The following NDUFAF6 variants were observed in gnomAD, a reference collection of about 807,000 sequenced individuals.
NDUFAF6 encodes NADH dehydrogenase (ubiquinone) complex I, assembly factor 6.
Under a neutral mutation model 40.8 loss-of-function variants are expected in NDUFAF6, and 45 were observed. That is an observed-to-expected ratio of 1.10 (90% CI 0.87 to 1.42). The LOEUF (loss-of-function observed/expected upper bound fraction) is 1.42. NDUFAF6 is among the 40% of genes most tolerant of loss of function. NDUFAF6 has a pLI of 0.00. For missense variants in NDUFAF6, 435 were observed against 418.5 expected, an observed-to-expected ratio of 1.04 and a Z score of -0.34; for synonymous variants, 185 against 155.9, an observed-to-expected ratio of 1.19 and a Z score of -1.39.
intron 2 of NDUFAF6, among the ~76,000 whole-genome samples, chr8:95,035,015 G>A (rs983290926): frequency 6.6e-6 from 1 of 152,078 alleles, no homozygotes; most frequent in South Asian, 2.1e-4. Flanking sequence ...GAGTAGCTGG[G>A]ATTACAGGCA....
At chr8:94,963,349 T>A (rs1298017494) in intron 1 of NDUFAF6, among the ~76,000 whole-genome samples, 2 of 152,068 alleles carry the variant, frequency 1.3e-5, no homozygotes, top group East Asian at 3.9e-4. Flanking sequence ...ATAGTCAGGG[T>A]GGAAAGACCA....
At chr8:95,077,499 T>A (rs1425676582), downstream of NDUFAF6, among the ~76,000 whole-genome samples, 7 of 152,176 alleles carry the variant, frequency 4.6e-5, no homozygotes, top group East Asian at 1.3e-3. Flanking sequence ...GACGAAAGGA[T>A]GATTCATGTC....
At chr8:94,994,460 A>G (rs1826329609) in intron 2 of NDUFAF6, among the ~76,000 whole-genome samples, 1 of 151,858 alleles carries the variant, frequency 6.6e-6, no homozygotes, top group Non-Finnish European at 1.5e-5. Context: ...CTGAGGCAGG[A>G]GAATCGCTTC....
intron 1 of NDUFAF6, among the ~76,000 whole-genome samples, chr8:94,965,618 G>T (rs1324954562): frequency 6.6e-6 from 1 of 152,244 alleles, no homozygotes; most frequent in African/African-American, 2.4e-5. Context: ...ATGGAGGTAG[G>T]AAAGCGAGGT....
chr8:94,986,569 T>C (rs1825915092), intron 2 of NDUFAF6, among the ~76,000 whole-genome samples: 1 of 152,220 alleles, frequency 6.6e-6, no homozygotes, highest in Non-Finnish European at 1.5e-5. Flanking sequence ...CATAAATAGC[T>C]TAATATAGTG....
At chr8:95,090,249 T>G (rs936431109) in intron 2 of NDUFAF6, among the ~76,000 whole-genome samples, 2 of 151,940 alleles carry the variant, frequency 1.3e-5, no homozygotes, top group Non-Finnish European at 2.9e-5. Context: ...CAAATCAGGG[T>G]TTTCCTCCCT....
chr8:94,935,465 G>A (rs549345703), intron 1 of NDUFAF6, among the ~76,000 whole-genome samples: 3 of 152,248 alleles, frequency 2.0e-5, no homozygotes, highest in Admixed American at 2.0e-4. Context: ...CTGTAAATTC[G>A]GGGAAACTTA....
intron 2 of NDUFAF6, among the ~76,000 whole-genome samples, chr8:95,000,134 C>T (rs1056429327): frequency 2.0e-5 from 3 of 151,746 alleles, no homozygotes; most frequent in African/African-American, 4.8e-5. Flanking sequence ...CTCAGGAATT[C>T]GAGACCAGCC....
chr8:94,991,805 C>G (rs911412375), intron 2 of NDUFAF6, among the ~76,000 whole-genome samples: 12 of 141,470 alleles, frequency 8.5e-5, no homozygotes, highest in Non-Finnish European at 1.7e-4. Flanking sequence ...CGCCCCCCCC[C>G]CCTTTTTTTT....
chr8:94,966,061 T>C (rs1823990909), intron 1 of NDUFAF6, among the ~76,000 whole-genome samples: 1 of 152,148 alleles, frequency 6.6e-6, no homozygotes, highest in South Asian at 2.1e-4. Context: ...CTTCTAAGTG[T>C]CATCTAGTTT....
Position 95,031,814 on chromosome 8 carries a change from T to C in NDUFAF6, c.198-181T>C, listed in dbSNP as rs10105437. Among the ~76,000 whole-genome samples the C allele has an allele frequency of 0.14, 21,300 of 152,110 alleles. 1,491 individuals are homozygous for C. Among genetic ancestry groups the C allele is most frequent in the Middle Eastern group, 0.24 (70 of 294 alleles). ...CGAGGTTTCACCATGTTGGCCAGGC[T>C]GGTCTCGAACTCCTGGCTTCAGGTG... On this transcript the variant is annotated intron_variant, in intron 1 of 8. Transcript: ENST00000396124.
At chr8:94,917,133 GA>G (rs1819194750) in intron 1 of NDUFAF6, among the ~76,000 whole-genome samples, 2 of 144,600 alleles carry the variant, frequency 1.4e-5, no homozygotes, top group Non-Finnish European at 3.0e-5. Context: ...AAAAAAGAAA[GA>G]AAAAAGCCAC....
At chr8:95,045,799 C>A in intron 5 of NDUFAF6, 152 bp downstream of exon 5, 1 of 626,220 alleles carries the variant, frequency 1.6e-6, no homozygotes, top group Non-Finnish European at 2.8e-6. Context: ...TTATTATTAG[C>A]AAGAAGAAGA....
chr8:94,977,498 G>A (rs1454891823), intron 1 of NDUFAF6, among the ~76,000 whole-genome samples: 1 of 146,344 alleles, frequency 6.8e-6, no homozygotes, highest in East Asian at 2.0e-4. Flanking sequence ...ACTCCAGCCT[G>A]AGCAAAGAGC....
chr8:95,010,171 C>A (rs1827169568), intron 2 of NDUFAF6, among the ~76,000 whole-genome samples: 1 of 152,168 alleles, frequency 6.6e-6, no homozygotes, highest in African/African-American at 2.4e-5. Flanking sequence ...TCACTGTAAC[C>A]TCCACCTCCC....
At chr8:95,037,123 C>T (rs1829595447) in intron 3 of NDUFAF6, among the ~76,000 whole-genome samples, 1 of 152,162 alleles carries the variant, frequency 6.6e-6, no homozygotes, top group South Asian at 2.1e-4. Context: ...ATTTCTTATC[C>T]ATTCTAGATG....
At chr8:95,054,394 G>A (rs755223947) in intron 8 of NDUFAF6, among the ~76,000 whole-genome samples, 25 of 150,870 alleles carry the variant, frequency 1.7e-4, no homozygotes, top group Non-Finnish European at 4.4e-5. Context: ...CAGACCTGCC[G>A]AATCAGAAAC....
At chr8:95,024,933 G>A (rs1441277174), upstream of NDUFAF6, 2 of 1,212,462 alleles carry the variant, frequency 1.6e-6, no homozygotes, top group Non-Finnish European at 2.1e-6. Context: ...GGAGCATAGG[G>A]GAACCTGCAG....
At chr8:94,960,486 T>C (rs752592160) in intron 1 of NDUFAF6, among the ~76,000 whole-genome samples, 2 of 152,208 alleles carry the variant, frequency 1.3e-5, no homozygotes, top group African/African-American at 2.4e-5. Flanking sequence ...TGGGTGGCTG[T>C]TGTGGAACTA....
Sources: allele counts gnomAD v4.1 joint callset (sites outside exome capture counted in the v4.1 genomes callset), GRCh38; gene constraint gnomAD v4.1.1; transcripts MANE v1.5; gene names NCBI Gene and HGNC (gene_info 2026-07-23, HGNC 2026-07-21).